PDE3A: variants seen among roughly 807,000 people sequenced by gnomAD.
PDE3A encodes the protein phosphodiesterase 3A.
A neutral mutation model predicts 98.3 loss-of-function variants in PDE3A; 43 were observed. The observed-to-expected ratio is 0.44, with a 90% CI of 0.34 to 0.56. The LOEUF (loss-of-function observed/expected upper bound fraction) is 0.56, where lower values mean the gene tolerates loss of function less well. Ranked by LOEUF, PDE3A falls within the 20% of genes least tolerant of loss-of-function variation. The pLI, the probability that PDE3A is intolerant of heterozygous loss-of-function variation, is 0.01. For missense variants in PDE3A, 1,427 were observed against 1,440.7 expected (o/e 0.99, Z 0.15); for synonymous variants, 663 against 567.9 (o/e 1.17, Z -2.38).
chr12:20,615,682 T>G (rs958234027), intron 3 of PDE3A, among the ~76,000 whole-genome samples: 1 of 151,978 alleles, frequency 6.6e-6, no homozygotes, highest in Non-Finnish European at 1.5e-5. Context: ...AATCACATAT[T>G]TGTATAAGCA....
At chr12:20,453,809 A>G (rs1945109092) in intron 1 of PDE3A, among the ~76,000 whole-genome samples, 2 of 151,836 alleles carry the variant, frequency 1.3e-5, no homozygotes, top group African/African-American at 2.4e-5. Flanking sequence ...ATTTTATTCC[A>G]CCTGACTTCA....
chr12:20,495,482 A>G (rs1286781322), intron 1 of PDE3A, among the ~76,000 whole-genome samples: 1 of 152,198 alleles, frequency 6.6e-6, no homozygotes, highest in Non-Finnish European at 1.5e-5. Flanking sequence ...ATAGAACAAT[A>G]TACTTAATTT....
Position 20,613,696 on chromosome 12 carries a change from C to T in PDE3A, c.1265C>T (p.Pro422Leu), listed in dbSNP as rs1187380298. 5.6e-6 allele frequency: 9 copies of T among 1,613,286 alleles called. No individual in the cohort carries two copies. The highest frequency in any genetic ancestry group is 7.6e-6 in the Non-Finnish European group (9 of 1,179,248). The change falls in exon 3 of 16, where the codon CCA becomes CTA. Residue 422 changes from proline (P) to leucine (L), a missense_variant. Coordinates refer to ENST00000359062, the MANE Select transcript of PDE3A (RefSeq NM_000921.5). ...ESSEKDKLAI[P>L]KRLRRSLPPG... ...TCTGAAAAAGACAAGCTTGCTATTC[C>T]AAAGGTAGGTAGTAATGACATACCC...
intron 1 of PDE3A, among the ~76,000 whole-genome samples, chr12:20,461,240 A>AAAAG (rs1945244623): frequency 6.7e-6 from 1 of 150,090 alleles, no homozygotes; most frequent in Admixed American, 6.6e-5. Context: ...TTGTCAGAAA[A>AAAAG]AAAAAAAAAA....
intron 1 of PDE3A, among the ~76,000 whole-genome samples, chr12:20,431,625 A>ACACG (rs1555145415): frequency 5.5e-5 from 8 of 144,930 alleles, no homozygotes; most frequent in African/African-American, 2.0e-4. Flanking sequence ...ACACACACGC[A>ACACG]CACACACGCA....
chr12:20,571,981 T>A, intron 2 of PDE3A: 1 of 1,071,230 alleles, frequency 9.3e-7, no homozygotes. Context: ...TTTAACCTAC[T>A]TCACTATTTG....
At chr12:20,673,047 A>G (rs1424089584) in intron 15 of PDE3A, among the ~76,000 whole-genome samples, 8 of 151,948 alleles carry the variant, frequency 5.3e-5, no homozygotes, top group African/African-American at 1.9e-4. Flanking sequence ...AAGGACATGA[A>G]CAGACACTTT....
At chr12:20,594,251 GA>G (rs565991908) in intron 2 of PDE3A, among the ~76,000 whole-genome samples, 9 of 152,096 alleles carry the variant, frequency 5.9e-5, no homozygotes, top group Non-Finnish European at 1.2e-4. Context: ...GGAGGAAAAA[GA>G]GAATGAATAA....
At chr12:20,404,951 A>G (rs1427760459) in intron 1 of PDE3A, among the ~76,000 whole-genome samples, 2 of 150,274 alleles carry the variant, frequency 1.3e-5, no homozygotes, top group Non-Finnish European at 2.9e-5. Flanking sequence ...TTGCCGACTC[A>G]AGGACAGAGT....
At chr12:20,531,753 G>T (rs1015578301) in intron 1 of PDE3A, among the ~76,000 whole-genome samples, 2 of 152,086 alleles carry the variant, frequency 1.3e-5, no homozygotes, top group Admixed American at 6.5e-5. Context: ...AAGACATTGC[G>T]CTATTATTAA....
intron 2 of PDE3A, among the ~76,000 whole-genome samples, chr12:20,604,124 G>A (rs551100004): frequency 9.2e-5 from 14 of 151,592 alleles, no homozygotes; most frequent in African/African-American, 1.7e-4. Flanking sequence ...AGCTGAGATC[G>A]TGCCACTGCA....
rs374288113 is a variant in PDE3A, at chr12:20,616,393, C to T, written c.1424+9C>T. 9.2e-5 allele frequency: 148 copies of T among 1,610,760 alleles called. No individual in the cohort carries two copies. The highest frequency in any genetic ancestry group is 3.1e-4 in the African/African-American group (23 of 74,934). On this transcript the variant is annotated intron_variant, in intron 4 of 15. Transcript: ENST00000359062. ...GAAGCACCTTCATCCAGGTGGCATA[C>T]GGCTCCTGCTGGTTTAATGTCTCTT...
intron 1 of PDE3A, among the ~76,000 whole-genome samples, chr12:20,542,695 T>C (rs575393870): frequency 6.6e-6 from 1 of 152,228 alleles, no homozygotes; most frequent in Non-Finnish European, 1.5e-5. Flanking sequence ...GAGTTAAAGC[T>C]TTTGATGCAG....
At chr12:20,454,436 C>A (rs557537686) in intron 1 of PDE3A, among the ~76,000 whole-genome samples, 1 of 152,148 alleles carries the variant, frequency 6.6e-6, no homozygotes, top group Non-Finnish European at 1.5e-5. Flanking sequence ...TTAACTAGAA[C>A]GTAAGCTCAG....
At chr12:20,622,416 A>G (rs1275158976) in intron 5 of PDE3A, among the ~76,000 whole-genome samples, 2 of 152,130 alleles carry the variant, frequency 1.3e-5, no homozygotes, top group Non-Finnish European at 2.9e-5. Flanking sequence ...AGTCCCTCAG[A>G]ATTGTGTGCT....
At chr12:20,398,046 T>G (rs1022217841) in intron 1 of PDE3A, among the ~76,000 whole-genome samples, 5 of 127,062 alleles carry the variant, frequency 3.9e-5, no homozygotes, top group African/African-American at 1.7e-4. Context: ...AGGTTTTTTT[T>G]TTTTGTTTTT....
chr12:20,405,274 T>C (rs1160036188), intron 1 of PDE3A, among the ~76,000 whole-genome samples: 2 of 152,176 alleles, frequency 1.3e-5, no homozygotes, highest in African/African-American at 4.8e-5. Context: ...GGTTTCTTTG[T>C]GCACACGCTC....
At chr12:20,530,470 T>G (rs1013351329) in intron 1 of PDE3A, among the ~76,000 whole-genome samples, 5 of 150,332 alleles carry the variant, frequency 3.3e-5, no homozygotes, top group African/African-American at 1.2e-4. Context: ...TGTGAATATA[T>G]ATTAATGACT....
intron 10 of PDE3A, among the ~76,000 whole-genome samples, chr12:20,645,407 T>G (rs1343961505): frequency 6.6e-6 from 1 of 152,138 alleles, no homozygotes; most frequent in East Asian, 1.9e-4. Context: ...GAATAGGTGT[T>G]TCTCTCATAT....
Sources: gnomAD v4.1 joint callset for allele counts (sites outside exome capture counted in the v4.1 genomes callset) on GRCh38, gnomAD v4.1.1 for gene constraint, MANE v1.5 for transcripts, NCBI Gene and HGNC (gene_info 2026-07-23, HGNC 2026-07-21) for gene names.